IKBIP: variants seen among roughly 807,000 people sequenced by gnomAD.
The protein encoded by IKBIP is IKBKB interacting protein, also known as inhibitor of nuclear factor kappa-B kinase-interacting protein.
IKBIP carries 28 observed loss-of-function variants against 31.0 expected under a neutral mutation model. The ratio of observed to expected loss-of-function variants is 0.90; its 90% CI spans 0.67 to 1.24. The LOEUF is 1.24. IKBIP is among the 50% of genes most tolerant of loss of function. The probability of loss-of-function intolerance (pLI) is 0.00; values close to 1 mark genes in which losing one functional copy is unlikely to be tolerated. For synonymous variants in IKBIP, 164 were observed against 160.3 expected (o/e 1.02, Z -0.17); for missense variants, 453 against 441.9 (o/e 1.03, Z -0.23).
intron 1 of IKBIP, among the ~76,000 whole-genome samples, chr12:98,635,285 T>G (rs1339042415): frequency 6.6e-6 from 1 of 152,140 alleles, no homozygotes; most frequent in Non-Finnish European, 1.5e-5. Context: ...ATTACAGGCA[T>G]GAGCCACTGT....
intron 1 of IKBIP, among the ~76,000 whole-genome samples, chr12:98,642,153 C>A (rs2097631077): frequency 6.6e-6 from 1 of 152,120 alleles, no homozygotes; most frequent in African/African-American, 2.4e-5. Context: ...ACTAACTTTC[C>A]CAAAACACAA....
In IKBIP at chr12:98,626,555, G is replaced by A; in HGVS notation, c.509C>T (p.Thr170Ile). 1 of 1,613,158 alleles carries A rather than the reference G, an allele frequency of 6.2e-7. No individual in the cohort carries two copies. The highest frequency in any genetic ancestry group is 8.5e-7 in the Non-Finnish European group (1 of 1,179,666). Residue 170 changes from threonine to isoleucine, a missense_variant, in exon 3 of 3, where the codon ACA (threonine) becomes ATA (isoleucine). By Grantham distance (89) the Thr-to-Ile change is moderately conservative. Transcript: ENST00000299157. ...KRSLEEMNINTDIFKSEAKHI... is the reference protein window; with the variant it reads ...KRSLEEMNINIDIFKSEAKHI... ...TTTTGCTTCTGATTTGAAAATGTCT[G>A]TATTAATGTTCATTTCTTCTAGGCT...
At chr12:98,638,579 C>T (rs572878054) in intron 1 of IKBIP, among the ~76,000 whole-genome samples, 2 of 150,354 alleles carry the variant, frequency 1.3e-5, no homozygotes, top group African/African-American at 2.4e-5. Flanking sequence ...CCAGCCAATA[C>T]TTCATAGGGT....
chr12:98,644,631 C>T lies in IKBIP; in HGVS notation c.71G>A (p.Ser24Asn). ...GAPAAEPGKRSEGGKTPVARS... is the reference protein window; with the variant it reads ...GAPAAEPGKRNEGGKTPVARS... ...GGCCACGGGGGTCTTCCCGCCCTCGCTCCGCTTCCCGGGCTCCGCAGCAGG... is the reference window on the plus strand; with the variant it reads ...GGCCACGGGGGTCTTCCCGCCCTCGTTCCGCTTCCCGGGCTCCGCAGCAGG... Residue 24 changes from serine to asparagine, a missense_variant, in exon 1 of 3, where the codon AGC becomes AAC. Transcript: ENST00000299157. The T allele has an allele frequency of 6.2e-7, 1 of 1,610,876 alleles. No individual in the cohort carries two copies. The highest frequency in any genetic ancestry group is 8.5e-7 in the Non-Finnish European group (1 of 1,179,238).
intron 2 of IKBIP, among the ~76,000 whole-genome samples, chr12:98,617,604 C>T (rs1008226540): frequency 6.6e-6 from 1 of 151,986 alleles, no homozygotes; most frequent in African/African-American, 2.4e-5. Context: ...GGGTAGATCT[C>T]ATAAACCACA....
At chr12:98,637,446 G>A (rs1162457219) in intron 1 of IKBIP, among the ~76,000 whole-genome samples, 2 of 152,094 alleles carry the variant, frequency 1.3e-5, no homozygotes, top group Non-Finnish European at 2.9e-5. Context: ...GTCTCACTCT[G>A]TCACCAGGCT....
intron 1 of IKBIP, among the ~76,000 whole-genome samples, chr12:98,636,548 C>G (rs2097625878): frequency 6.6e-6 from 1 of 152,192 alleles, no homozygotes; most frequent in Non-Finnish European, 1.5e-5. Flanking sequence ...CTGTCCAAAG[C>G]TAAATTAGAC....
chr12:98,618,257 TTAATC>T (rs1228384518), intron 2 of IKBIP, among the ~76,000 whole-genome samples: 1 of 152,146 alleles, frequency 6.6e-6, no homozygotes, highest in East Asian at 1.9e-4. Flanking sequence ...AATATGCAGT[TTAATC>T]TAAAGATATC....
intron 1 of IKBIP, among the ~76,000 whole-genome samples, chr12:98,639,976 T>C (rs2097628936): frequency 6.6e-6 from 1 of 152,162 alleles, no homozygotes; most frequent in Admixed American, 6.6e-5. Context: ...AAAACTCTAC[T>C]AACACAAAGA....
At chr12:98,642,419 G>A (rs190693201) in intron 1 of IKBIP, among the ~76,000 whole-genome samples, 227 of 152,102 alleles carry the variant, frequency 1.5e-3, no homozygotes, top group African/African-American at 5.0e-3. Context: ...CAAAGTGCTA[G>A]GATTACAGGC....
intron 2 of IKBIP, among the ~76,000 whole-genome samples, chr12:98,632,921 C>T (rs1422017415): frequency 6.6e-6 from 1 of 152,166 alleles, no homozygotes; most frequent in African/African-American, 2.4e-5. Context: ...AGCCACTACG[C>T]CTGGCTCAGA....
chr12:98,639,626 T>G (rs1565844607), intron 1 of IKBIP, among the ~76,000 whole-genome samples: 2 of 152,320 alleles, frequency 1.3e-5, no homozygotes, highest in Middle Eastern at 3.4e-3. Context: ...TTTCCTACAG[T>G]GCATGGTGGT....
downstream of IKBIP, among the ~76,000 whole-genome samples, chr12:98,620,281 T>C (rs1408445225): frequency 1.3e-5 from 2 of 152,006 alleles, no homozygotes; most frequent in East Asian, 3.9e-4. Flanking sequence ...TGTCCTGTAA[T>C]GTTAAACATT....
chr12:98,621,912 C>A (rs1461526024), downstream of IKBIP, among the ~76,000 whole-genome samples: 1 of 151,932 alleles, frequency 6.6e-6, no homozygotes, highest in Non-Finnish European at 1.5e-5. Context: ...CTCATCTCTA[C>A]TAAAAATACA....
At chr12:98,640,904 G>A (rs934451902) in intron 1 of IKBIP, among the ~76,000 whole-genome samples, 4 of 152,130 alleles carry the variant, frequency 2.6e-5, no homozygotes, top group African/African-American at 7.2e-5. Context: ...TGGGACTACA[G>A]GCATGCGCCA....
intron 1 of IKBIP, among the ~76,000 whole-genome samples, chr12:98,635,461 A>G (rs912163046): frequency 2.6e-5 from 4 of 152,210 alleles, no homozygotes; most frequent in Non-Finnish European, 5.9e-5. Flanking sequence ...TAACTCATGC[A>G]AAGATGAGTA....
chr12:98,618,273 T>C (rs569041276), intron 2 of IKBIP, among the ~76,000 whole-genome samples: 3 of 152,240 alleles, frequency 2.0e-5, no homozygotes, highest in South Asian at 2.1e-4. Flanking sequence ...TAAAGATATC[T>C]TTTTTTCTAA....
At chr12:98,618,186 A>G (rs919547286) in intron 2 of IKBIP, among the ~76,000 whole-genome samples, 4 of 152,188 alleles carry the variant, frequency 2.6e-5, no homozygotes, top group Non-Finnish European at 5.9e-5. Flanking sequence ...TCTCTAAAAC[A>G]AAAAAATTGA....
chr12:98,634,275 G>A (rs1182017194), intron 2 of IKBIP, 21 bp downstream of exon 2: 1 of 1,179,472 alleles, frequency 8.5e-7, no homozygotes, highest in Non-Finnish European at 1.3e-6. Flanking sequence ...AACCGTCCCA[G>A]ATAAGCCAAT....
Sources: gnomAD v4.1 joint callset for allele counts (sites outside exome capture counted in the v4.1 genomes callset) on GRCh38, gnomAD v4.1.1 for gene constraint, MANE v1.5 for transcripts, NCBI Gene and HGNC (gene_info 2026-07-23, HGNC 2026-07-21) for gene names.